The following PCDHGA6 variants were observed in gnomAD, a reference collection of about 807,000 sequenced individuals.
The protein encoded by PCDHGA6 is protocadherin gamma-A6.
Under a neutral mutation model 60.6 loss-of-function variants are expected in PCDHGA6, and 41 were observed. That is an observed-to-expected ratio of 0.68 (90% CI 0.53 to 0.88). PCDHGA6 has a LOEUF of 0.88. Ranked by LOEUF, PCDHGA6 falls within the 40% of genes least tolerant of loss-of-function variation. The pLI is 0.00. For missense variants in PCDHGA6, 1,312 were observed against 1,203.0 expected (o/e 1.09, Z -1.34); for synonymous variants, 594 against 524.4 (o/e 1.13, Z -1.81).
chr5:141,408,290 A>T (rs767669019), intron 1 of PCDHGA6: 80 of 1,613,008 alleles, frequency 5.0e-5, no homozygotes, highest in Non-Finnish European at 6.1e-5. Context: ...CCCCACCCTG[A>T]GTGAGCCGAT....
chr5:141,404,004 C>T (rs1219625288), intron 1 of PCDHGA6: 3 of 1,613,842 alleles, frequency 1.9e-6, no homozygotes, highest in Non-Finnish European at 2.5e-6. Flanking sequence ...ACCATTACAT[C>T]TCTGTTTAGC....
Position 141,376,397 on chromosome 5 carries a change from C to T in PCDHGA6, c.2314C>T (p.Gln772Ter), listed in dbSNP as rs761002002. Residue 772 changes from glutamine to a stop codon, truncating the protein, a stop_gained, in exon 1 of 4, where the codon CAG (glutamine) becomes TAG (stop). Transcript: ENST00000517434. LOFTEE classifies it high-confidence loss of function. ...DSRKSHLIFP[Q>*]PNYADTLINQ... ...GCGTAAGAGTCATCTGATTTTCCCCCAGCCCAACTATGCCGACACGCTTAT... is the reference window on the plus strand; with the variant it reads ...GCGTAAGAGTCATCTGATTTTCCCCTAGCCCAACTATGCCGACACGCTTAT... 11 of 1,614,110 alleles carry T rather than the reference C, an allele frequency of 6.8e-6. No homozygotes were observed. Among genetic ancestry groups the T allele is most frequent in the South Asian group, 3.3e-5 (3 of 91,092 alleles).
At chr5:141,389,394 T>C (rs753490190) in intron 1 of PCDHGA6, 2 of 1,613,672 alleles carry the variant, frequency 1.2e-6, no homozygotes, top group South Asian at 2.2e-5. Flanking sequence ...ATCCTACGTG[T>C]CCATAAGCGC....
At chr5:141,425,248 G>GGCTGGGAAA (rs2096864506) in intron 1 of PCDHGA6, among the ~76,000 whole-genome samples, 1 of 152,178 alleles carries the variant, frequency 6.6e-6, no homozygotes, top group Non-Finnish European at 1.5e-5. Context: ...AAAAGGATAT[G>GGCTGGGAAA]AGGTATTTGG....
At chr5:141,473,966 G>A (rs1268822103) in intron 1 of PCDHGA6, among the ~76,000 whole-genome samples, 3 of 152,174 alleles carry the variant, frequency 2.0e-5, no homozygotes, top group Non-Finnish European at 4.4e-5. Context: ...CTACTTAGAA[G>A]TCTGAGGCGG....
intron 1 of PCDHGA6, among the ~76,000 whole-genome samples, chr5:141,454,985 A>G (rs1292477757): frequency 1.3e-5 from 2 of 150,314 alleles, no homozygotes; most frequent in African/African-American, 4.9e-5. Context: ...TTTTTTAAAA[A>G]ATATTTTTAG....
chr5:141,453,746 T>C (rs1345046460), intron 1 of PCDHGA6, among the ~76,000 whole-genome samples: 1 of 152,254 alleles, frequency 6.6e-6, no homozygotes, highest in Non-Finnish European at 1.5e-5. Flanking sequence ...TTAAATAACA[T>C]AAGTCTCCTA....
At position 141,511,124 on chromosome 5, in the gene PCDHGA6, C is replaced by A. The variant is rs752246201; in HGVS notation, c.2750C>A (p.Ala917Glu). The A allele has an allele frequency of 6.2e-7, 1 of 1,614,206 alleles. No homozygotes were observed. The highest frequency in any genetic ancestry group is 8.5e-7 in the Non-Finnish European group (1 of 1,180,022). ...AAGKRDGKAP[A>E]GGNGNKKKSG... The stretch of plus-strand genomic sequence containing the variant: ...GGCAAGCGGGATGGCAAGGCCCCAG[C>A]AGGTGGCAATGGCAACAAGAAGAAG... Residue 917 changes from alanine (A) to glutamate (E), a missense_variant, in exon 4 of 4, where the codon GCA becomes GAA. Coordinates refer to ENST00000517434, the MANE Select transcript of PCDHGA6 (RefSeq NM_018919.3).
chr5:141,490,565 T>C lies in PCDHGA6; in HGVS notation c.2425-4242T>C. ...CTACACAAACATCTCACCATCAGGC[T>C]CAACATTTCAGATGTCAATGACAAT... On this transcript the variant is annotated intron_variant, in intron 1 of 3. Coordinates refer to ENST00000517434, the MANE Select transcript of PCDHGA6 (RefSeq NM_018919.3). This position sits in a 1 kb window ranked among gnomAD's most constrained non-coding sequence, Gnocchi z 5.4. 8 of 1,614,116 alleles carry C rather than the reference T, an allele frequency of 5.0e-6. No individual in the cohort carries two copies. Among genetic ancestry groups the C allele is most frequent in the Non-Finnish European group, 6.8e-6 (8 of 1,180,024 alleles).
intron 1 of PCDHGA6, among the ~76,000 whole-genome samples, chr5:141,464,049 G>C (rs1330340459): frequency 6.6e-6 from 1 of 152,124 alleles, no homozygotes; most frequent in Admixed American, 6.5e-5. Context: ...TGGATCACCT[G>C]AGGTCAGGAG....
chr5:141,472,494 C>T (rs561045783), intron 1 of PCDHGA6, among the ~76,000 whole-genome samples: 9 of 151,168 alleles, frequency 6.0e-5, no homozygotes, highest in South Asian at 2.1e-4. Context: ...GAGACGAGAT[C>T]GTGCCACTGC....
intron 1 of PCDHGA6, chr5:141,413,304 A>G: frequency 6.2e-7 from 1 of 1,613,982 alleles, no homozygotes; most frequent in Non-Finnish European, 8.5e-7. Context: ...CTGAGGAATT[A>G]GAGAAAGGCT....
intron 1 of PCDHGA6, chr5:141,410,564 T>C: frequency 6.2e-7 from 1 of 1,612,612 alleles, no homozygotes; most frequent in Non-Finnish European, 8.5e-7. Context: ...TCCTGGAGCC[T>C]TAATTCCACC....
rs759587995 is a variant in PCDHGA6, at chr5:141,491,802, G to T, written c.2425-3005G>T. On this transcript the variant is annotated intron_variant, in intron 1 of 3. Coordinates refer to ENST00000517434, the MANE Select transcript of PCDHGA6 (RefSeq NM_018919.3). The surrounding 1 kb of genome is among the most constrained non-coding windows in gnomAD (Gnocchi z 6.9). ...ACTTGCATCCACTCCTCTCCGGCCGGCTTGGTCGCTGGCTGCGCTCCACCC... is the reference window on the plus strand; with the variant it reads ...ACTTGCATCCACTCCTCTCCGGCCGTCTTGGTCGCTGGCTGCGCTCCACCC... 1 of 1,497,480 alleles carries T rather than the reference G, an allele frequency of 6.7e-7. No individual in the cohort carries two copies. Among genetic ancestry groups the T allele is most frequent in the East Asian group, 2.5e-5 (1 of 40,518 alleles). The allele number at this position is 1,497,480 out of a possible 1,614,324, so 92.8% of individuals were successfully genotyped here. A position where few individuals can be genotyped will look rare whatever the true frequency, so the allele number is the denominator to read the frequency against.
intron 1 of PCDHGA6, chr5:141,385,966 G>T (rs968695297): frequency 6.6e-6 from 1 of 152,176 alleles, no homozygotes. Context: ...AAGGCCATCG[G>T]ACAAAACCAA....
chr5:141,403,163 A>C, intron 1 of PCDHGA6: 1 of 1,614,052 alleles, frequency 6.2e-7, no homozygotes, highest in South Asian at 1.1e-5. Flanking sequence ...CTCTAGAGGT[A>C]GGACGCAGCT....
chr5:141,439,652 T>G (rs1047430832), intron 1 of PCDHGA6, among the ~76,000 whole-genome samples: 1 of 152,208 alleles, frequency 6.6e-6, no homozygotes, highest in African/African-American at 2.4e-5. Context: ...GTGGCTTTTC[T>G]AATTTCATGG....
intron 1 of PCDHGA6, chr5:141,409,940 C>T (rs1368587420): frequency 1.2e-5 from 19 of 1,613,118 alleles, no homozygotes; most frequent in Non-Finnish European, 1.6e-5. Context: ...TATGGTACCT[C>T]GCTCTGCAGA....
Position 141,374,349 on chromosome 5 carries a change from G to A in PCDHGA6, c.266G>A (p.Arg89Lys). ...AACGGCAGCTTGGTCACCGCGGGTA[G>A]GATAGACCGCGAGGAGCTCTGTGCT... ...PRNGSLVTAGRIDREELCAQS... is the reference protein window; with the variant it reads ...PRNGSLVTAGKIDREELCAQS... Residue 89 changes from arginine to lysine, a missense_variant, in exon 1 of 4, where the codon AGG (arginine) becomes AAG (lysine). By Grantham distance (26) the Arg-to-Lys change is conservative. Coordinates refer to ENST00000517434, the MANE Select transcript of PCDHGA6 (RefSeq NM_018919.3). The A allele has an allele frequency of 1.2e-6, 2 of 1,614,042 alleles. No homozygotes were observed. Among genetic ancestry groups the A allele is most frequent in the Non-Finnish European group, 1.7e-6 (2 of 1,179,906 alleles).
Sources: allele counts gnomAD v4.1 joint callset (sites outside exome capture counted in the v4.1 genomes callset), GRCh38; gene constraint gnomAD v4.1.1; non-coding constraint Gnocchi (gnomAD v3.1); transcripts MANE v1.5; gene names NCBI Gene and HGNC (gene_info 2026-07-23, HGNC 2026-07-21).